ADAM23: variants seen among roughly 807,000 people sequenced by gnomAD.
ADAM23 encodes ADAM metallopeptidase domain 23.
In ADAM23, 33 loss-of-function variants were observed where a neutral mutation model predicts 120.1. The ratio of observed to expected loss-of-function variants is 0.27; its 90% CI spans 0.21 to 0.37. The LOEUF is 0.37. Ranked by LOEUF, ADAM23 falls within the 10% of genes least tolerant of loss-of-function variation. The probability of loss-of-function intolerance (pLI) is 1.00; values close to 1 mark genes in which losing one functional copy is unlikely to be tolerated. For missense variants in ADAM23, 862 were observed against 1,058.2 expected, an observed-to-expected ratio of 0.81 and a Z score of 2.57; for synonymous variants, 367 against 375.2, an observed-to-expected ratio of 0.98 and a Z score of 0.25.
intron 3 of ADAM23, among the ~76,000 whole-genome samples, chr2:206,515,237 T>C (rs778874887): frequency 6.6e-6 from 1 of 152,226 alleles, no homozygotes; most frequent in Admixed American, 6.6e-5. Flanking sequence ...GAAATATGTT[T>C]TCTAGTGATC....
chr2:206,561,708 GT>G (rs1697771524), intron 12 of ADAM23, among the ~76,000 whole-genome samples: 1 of 151,932 alleles, frequency 6.6e-6, no homozygotes, highest in African/African-American at 2.4e-5. Context: ...AATACTTTCA[GT>G]TTTATAAAGG....
chr2:206,583,322 C>T (rs1369875581), intron 18 of ADAM23, among the ~76,000 whole-genome samples: 4 of 152,024 alleles, frequency 2.6e-5, no homozygotes, highest in Admixed American at 6.5e-5. Flanking sequence ...GGCGTGGTAA[C>T]GAGCGCCTAT....
chr2:206,541,927 T>A (rs1697297380), intron 4 of ADAM23, 125 bp from the exon 5 acceptor site: 2 of 943,970 alleles, frequency 2.1e-6, no homozygotes. Flanking sequence ...TAGGAGGAGT[T>A]TCTAGGGTTA....
intron 2 of ADAM23, among the ~76,000 whole-genome samples, chr2:206,452,469 T>G (rs901124892): frequency 6.6e-6 from 1 of 152,178 alleles, no homozygotes; most frequent in Non-Finnish European, 1.5e-5. Flanking sequence ...TCAGGCTTTG[T>G]TAGCAGGGTG....
intron 3 of ADAM23, among the ~76,000 whole-genome samples, chr2:206,503,477 G>A (rs1342744934): frequency 1.3e-5 from 2 of 152,148 alleles, no homozygotes; most frequent in Non-Finnish European, 2.9e-5. Context: ...TGAATTAATA[G>A]TGTGGTATGG....
chr2:206,469,937 A>G (rs1042364052), intron 2 of ADAM23, among the ~76,000 whole-genome samples: 1 of 152,182 alleles, frequency 6.6e-6, no homozygotes, highest in African/African-American at 2.4e-5. Context: ...TTCTTTGACC[A>G]TCCTATTTAA....
intron 20 of ADAM23, 70 bp downstream of exon 20, chr2:206,588,224 C>T: frequency 3.3e-6 from 5 of 1,518,668 alleles, no homozygotes; most frequent in Non-Finnish European, 4.6e-6. Flanking sequence ...CTCTGCCAGT[C>T]TTGCTGAGAG....
chr2:206,561,059 CAT>C lies in ADAM23; in HGVS notation c.1170-66_1170-65del, dbSNP rs1288569887. The C allele has an allele frequency of 1.9e-5, 26 of 1,350,608 alleles. No individual in the cohort carries two copies. The East Asian group carries it at 4.2e-4, about 22-fold the overall frequency. 83.7% of individuals were successfully genotyped at this position (1,350,608 alleles called of 1,614,324 possible). Reference sequence around the variant, plus strand: ...GGGGTGTTCCATGTAGGAGGGTAGACATATTTTGGGAGAGTATGAAATGATGG... The same window carrying C: ...GGGGTGTTCCATGTAGGAGGGTAGACATTTTGGGAGAGTATGAAATGATGG... On this transcript the variant is annotated intron_variant, in intron 11 of 25. Transcript: ENST00000264377.
chr2:206,553,962 A>G lies in ADAM23; in HGVS notation c.934-3465A>G, dbSNP rs371405926. On this transcript the variant is annotated intron_variant, in intron 9 of 25. Coordinates refer to ENST00000264377, the MANE Select transcript of ADAM23 (RefSeq NM_003812.4). ...TTTTCAAAAGACAGTTTTCTTAAGGATTGCATGTGTTCAGGAAGGAAAAGC... is the reference window on the plus strand; with the variant it reads ...TTTTCAAAAGACAGTTTTCTTAAGGGTTGCATGTGTTCAGGAAGGAAAAGC... Among the ~76,000 whole-genome samples the G allele has an allele frequency of 7.9e-4, 120 of 152,280 alleles. 3 individuals carry two copies. The South Asian group carries it at 0.023, about 30-fold the overall frequency.
At chr2:206,477,897 A>ATATATATATATATATATATAT (rs1553548673) in intron 2 of ADAM23, among the ~76,000 whole-genome samples, 62 of 93,480 alleles carry the variant, frequency 6.6e-4, no homozygotes, top group African/African-American at 1.9e-3. Context: ...AAAAAAAAAA[A>ATATATATATATATATATATAT]ATATATATAT....
intron 25 of ADAM23, among the ~76,000 whole-genome samples, chr2:206,612,038 C>G (rs1323274180): frequency 6.6e-6 from 1 of 152,102 alleles, no homozygotes; most frequent in Non-Finnish European, 1.5e-5. Context: ...GAAAGACACA[C>G]AATAGGGTGA....
chr2:206,592,611 G>A lies in ADAM23; in HGVS notation c.1959-6G>A. On this transcript the variant is annotated splice_polypyrimidine_tract_variant and splice_region_variant and intron_variant, in intron 21 of 25. Coordinates refer to ENST00000264377, the MANE Select transcript of ADAM23 (RefSeq NM_003812.4). ...TGGTCTGTTTGTTTTCTTTACACAT[G>A]TTCAGTGATGTGTTCTGTGGATTCT... The A allele has an allele frequency of 6.2e-7, 1 of 1,612,728 alleles. No homozygotes were observed. The highest frequency in any genetic ancestry group is 8.5e-7 in the Non-Finnish European group (1 of 1,179,170).
chr2:206,609,894 T>C lies in ADAM23; in HGVS notation c.2360-16T>C. 4.4e-6 allele frequency: 7 copies of C among 1,592,632 alleles called. No homozygotes were observed. The highest frequency in any genetic ancestry group is 6.0e-6 in the Non-Finnish European group (7 of 1,171,918). On this transcript the variant is annotated splice_polypyrimidine_tract_variant and intron_variant, in intron 24 of 25. Coordinates refer to ENST00000264377, the MANE Select transcript of ADAM23 (RefSeq NM_003812.4). The stretch of plus-strand genomic sequence containing the variant: ...GTTGGTTCATATGACTCTCTTCCCA[T>C]GATCCTTTGTCACAGGTCCTAGTGC...
chr2:206,479,686 CTCTT>C (rs1695855665), intron 2 of ADAM23, among the ~76,000 whole-genome samples: 1 of 152,092 alleles, frequency 6.6e-6, no homozygotes, highest in Non-Finnish European at 1.5e-5. Context: ...CTCTCTCTCT[CTCTT>C]TCTCTCTCTC....
At chr2:206,574,551 A>G (rs1051926191) in intron 18 of ADAM23, among the ~76,000 whole-genome samples, 1 of 152,100 alleles carries the variant, frequency 6.6e-6, no homozygotes, top group Non-Finnish European at 1.5e-5. Flanking sequence ...ACATTGATGA[A>G]GCACTAATGT....
chr2:206,548,850 A>G (rs1319914854), intron 8 of ADAM23, among the ~76,000 whole-genome samples: 1 of 152,214 alleles, frequency 6.6e-6, no homozygotes, highest in East Asian at 1.9e-4. Context: ...TTCAGAACAC[A>G]ATGAATTTAT....
intron 3 of ADAM23, among the ~76,000 whole-genome samples, chr2:206,508,765 G>A (rs1696557695): frequency 6.6e-6 from 1 of 152,092 alleles, no homozygotes; most frequent in Non-Finnish European, 1.5e-5. Flanking sequence ...ATGCATTGAG[G>A]TACCTACTAA....
At chr2:206,582,614 GT>G (rs1245959853) in intron 18 of ADAM23, among the ~76,000 whole-genome samples, 1 of 151,898 alleles carries the variant, frequency 6.6e-6, no homozygotes, top group Non-Finnish European at 1.5e-5. Flanking sequence ...TTGTTTTTTT[GT>G]TTTTGCTTTC....
intron 18 of ADAM23, among the ~76,000 whole-genome samples, chr2:206,577,418 C>T (rs1698136201): frequency 8.2e-6 from 1 of 121,662 alleles, no homozygotes; most frequent in South Asian, 3.4e-4. Flanking sequence ...CCCCCTCCCC[C>T]CACCCCACAA....
Sources: gnomAD v4.1 joint callset for allele counts (sites outside exome capture counted in the v4.1 genomes callset) on GRCh38, gnomAD v4.1.1 for gene constraint, MANE v1.5 for transcripts, NCBI Gene and HGNC (gene_info 2026-07-23, HGNC 2026-07-21) for gene names.